Variants in SCN2A observed in about 807,000 individuals in gnomAD.
The protein encoded by SCN2A is sodium channel protein type 2 subunit alpha.
A neutral mutation model predicts 188.7 loss-of-function variants in SCN2A; 20 were observed. That is an observed-to-expected ratio of 0.11 (90% CI 0.07 to 0.15). SCN2A has a LOEUF of 0.15. Among genes scored for constraint, SCN2A ranks in the 10% least tolerant of loss-of-function variants. The pLI is 1.00. For missense variants in SCN2A, 1,278 were observed against 2,445.0 expected (o/e 0.52, Z 10.07); for synonymous variants, 804 against 833.1 (o/e 0.97, Z 0.60).
chr2:165,294,103 T>C, intron 1 of SCN2A: 2 of 972,432 alleles, frequency 2.1e-6, no homozygotes, highest in South Asian at 9.8e-5. Flanking sequence ...AGCTTATCAA[T>C]CCCAAACTCT....
intron 1 of SCN2A, among the ~76,000 whole-genome samples, chr2:165,290,132 A>G (rs1696031134): frequency 6.6e-6 from 1 of 152,128 alleles, no homozygotes; most frequent in African/African-American, 2.4e-5. Flanking sequence ...GTACATAGTG[A>G]TATTTCAATA....
At chr2:165,379,900 G>A (rs1019250047) in intron 23 of SCN2A, among the ~76,000 whole-genome samples, 1 of 151,676 alleles carries the variant, frequency 6.6e-6, no homozygotes, top group Non-Finnish European at 1.5e-5. Context: ...CTATCACACA[G>A]TTTTCTAAAC....
intron 1 of SCN2A, among the ~76,000 whole-genome samples, chr2:165,242,835 G>C (rs185107548): frequency 4.3e-4 from 66 of 152,300 alleles, no homozygotes; most frequent in African/African-American, 1.5e-3. Flanking sequence ...CAGGAAGAAA[G>C]GGTGGTTGAT....
chr2:165,308,769 T>C lies in SCN2A; in HGVS notation c.580T>C (p.Leu194=), dbSNP rs1015952309. The change falls in exon 5 of 27, where the codon TTG becomes CTG. Residue 194 remains leucine, a synonymous_variant. Transcript: ENST00000375437. The part of the protein sequence containing the change: ...FTFLRDPWNW[L]DFTVITFAYV... ...ATTTTTACGGGATCCATGGAATTGG[T>C]TGGATTTCACAGTCATTACTTTTGC... 3 of 1,612,948 alleles carry C rather than the reference T, an allele frequency of 1.9e-6. No individual in the cohort carries two copies. The highest frequency in any genetic ancestry group is 1.7e-5 in the Admixed American group (1 of 59,992).
chr2:165,306,517 T>C (rs1393714648), intron 3 of SCN2A, among the ~76,000 whole-genome samples: 1 of 32,896 alleles, frequency 3.0e-5, no homozygotes, highest in Admixed American at 2.5e-4. Context: ...TGTGTGTGTG[T>C]GTGTGTGTGT....
intron 17 of SCN2A, among the ~76,000 whole-genome samples, chr2:165,361,949 T>C (rs72623152): frequency 0.21 from 31,458 of 151,976 alleles, 3,964 homozygotes; most frequent in East Asian, 0.34. Context: ...AAAAGATTTG[T>C]GTTACTCTGC....
chr2:165,387,884 G>A (rs1701954181), intron 26 of SCN2A, among the ~76,000 whole-genome samples: 1 of 152,042 alleles, frequency 6.6e-6, no homozygotes, highest in Admixed American at 6.6e-5. Flanking sequence ...GGTAAGATTT[G>A]AGATCTGACC....
At chr2:165,281,279 G>A (rs981570449) in intron 1 of SCN2A, among the ~76,000 whole-genome samples, 2 of 152,030 alleles carry the variant, frequency 1.3e-5, no homozygotes, top group African/African-American at 4.8e-5. Context: ...AGGAGATGTG[G>A]TTAGAGTGTG....
At chr2:165,372,761 T>C (rs1701107290) in intron 20 of SCN2A, 3 of 159,498 alleles carry the variant, frequency 1.9e-5, no homozygotes, top group African/African-American at 7.2e-5. Flanking sequence ...TTAAATGTGT[T>C]CATGCTCATA....
At chr2:165,368,251 C>T (rs1235957621) in intron 19 of SCN2A, among the ~76,000 whole-genome samples, 4 of 152,282 alleles carry the variant, frequency 2.6e-5, no homozygotes, top group African/African-American at 9.6e-5. Context: ...TGTCAAGCTA[C>T]TTCTCTCTAA....
intron 22 of SCN2A, among the ~76,000 whole-genome samples, chr2:165,377,157 T>C (rs750719866): frequency 2.0e-5 from 3 of 151,968 alleles, no homozygotes; most frequent in Non-Finnish European, 2.9e-5. Flanking sequence ...GCTGTCATGA[T>C]TGGTGATTGG....
At chr2:165,360,426 G>A (rs1050950613) in intron 17 of SCN2A, among the ~76,000 whole-genome samples, 9 of 151,850 alleles carry the variant, frequency 5.9e-5, no homozygotes, top group African/African-American at 2.2e-4. Context: ...ATGTTTATTA[G>A]ATCATTAAGC....
intron 1 of SCN2A, chr2:165,267,526 A>G (rs1208038029): frequency 6.6e-6 from 1 of 151,934 alleles, no homozygotes; most frequent in African/African-American, 2.4e-5. Flanking sequence ...AGAACACCTA[A>G]AACTGTAAAA....
At chr2:165,258,488 T>A (rs1694427723) in intron 1 of SCN2A, among the ~76,000 whole-genome samples, 1 of 152,158 alleles carries the variant, frequency 6.6e-6, no homozygotes, top group Non-Finnish European at 1.5e-5. Flanking sequence ...GTTGGTGGGA[T>A]TGTAAATTAG....
intron 14 of SCN2A, among the ~76,000 whole-genome samples, chr2:165,336,604 A>G (rs986293132): frequency 1.3e-5 from 2 of 151,966 alleles, no homozygotes; most frequent in African/African-American, 2.4e-5. Context: ...GCAACAACTA[A>G]CTAATGGGTA....
Position 165,354,404 on chromosome 2 carries a change from T to C in SCN2A, c.3132T>C (p.Asp1044=). Residue 1044 remains aspartate (D), a synonymous_variant, in exon 17 of 27, where the codon GAT becomes GAC. Transcript: ENST00000375437. ...TAGATGAAATTAAACCGCTTGAAGA[T>C]CTAAATAATAAAAAAGACAGCTGTA... ...KALDEIKPLE[D]LNNKKDSCIS... 6.2e-7 allele frequency: 1 copy of C among 1,613,998 alleles called. No individual in the cohort carries two copies. The highest frequency in any genetic ancestry group is 8.5e-7 in the Non-Finnish European group (1 of 1,179,948).
chr2:165,276,336 C>T (rs1695342489), intron 1 of SCN2A, among the ~76,000 whole-genome samples: 1 of 151,972 alleles, frequency 6.6e-6, no homozygotes, highest in African/African-American at 2.4e-5. Flanking sequence ...GAAGGAATTC[C>T]AAAGTTATTG....
chr2:165,350,116 T>C (rs959382990), intron 16 of SCN2A, among the ~76,000 whole-genome samples: 26 of 152,246 alleles, frequency 1.7e-4, no homozygotes, highest in Admixed American at 5.9e-4. Flanking sequence ...CCTTCATTGG[T>C]TGAAGATAGG....
At chr2:165,280,409 C>A (rs1695533659) in intron 1 of SCN2A, among the ~76,000 whole-genome samples, 1 of 152,090 alleles carries the variant, frequency 6.6e-6, no homozygotes, top group Non-Finnish European at 1.5e-5. Flanking sequence ...TCACCTTAGT[C>A]CCTTTTATTG....
Sources: allele counts gnomAD v4.1 joint callset (sites outside exome capture counted in the v4.1 genomes callset), GRCh38; gene constraint gnomAD v4.1.1; transcripts MANE v1.5; gene names NCBI Gene and HGNC (gene_info 2026-07-23, HGNC 2026-07-21).